USP35: variants seen among roughly 807,000 people sequenced by gnomAD.
USP35 encodes the protein ubiquitin specific peptidase 35.
USP35 carries 69 observed loss-of-function variants against 83.8 expected under a neutral mutation model. That is an observed-to-expected ratio of 0.82 (90% CI 0.68 to 1.01). The LOEUF (loss-of-function observed/expected upper bound fraction) is 1.01, where lower values mean the gene tolerates loss of function less well. Among genes scored for constraint, USP35 ranks in the 50% least tolerant of loss-of-function variants. The pLI, the probability that USP35 is intolerant of heterozygous loss-of-function variation, is 0.00. For synonymous variants in USP35, 714 were observed against 589.5 expected, an observed-to-expected ratio of 1.21 and a Z score of -3.06; for missense variants, 1,503 against 1,362.5, an observed-to-expected ratio of 1.10 and a Z score of -1.62.
chr11:78,222,167 G>T, the USP35 span: 1 of 1,613,964 alleles, frequency 6.2e-7, no homozygotes, highest in Non-Finnish European at 8.5e-7. Context: ...TGACGGTGTT[G>T]TTCCTCAGGT....
intron 1 of USP35, among the ~76,000 whole-genome samples, chr11:78,192,155 C>T (rs1023571111): frequency 6.6e-6 from 1 of 152,230 alleles, no homozygotes; most frequent in Non-Finnish European, 1.5e-5. Flanking sequence ...GGCAGGGGCT[C>T]ACCCAAGGTC....
intron 6 of USP35, among the ~76,000 whole-genome samples, chr11:78,203,213 G>T (rs74652887): frequency 2.6e-5 from 4 of 152,184 alleles, no homozygotes; most frequent in Admixed American, 2.6e-4. Context: ...GCCTTGAGAA[G>T]ATCCTGGAAA....
chr11:78,226,414 C>T, the USP35 span: 1 of 1,399,194 alleles, frequency 7.1e-7, no homozygotes, highest in Admixed American at 1.7e-5. Flanking sequence ...TATTGAGAAC[C>T]CCTGTGTTAC....
chr11:78,196,532 C>A lies in USP35; in HGVS notation c.287C>A (p.Pro96Gln), dbSNP rs780910061. Residue 96 changes from proline (P) to glutamine (Q), a missense_variant, in exon 2 of 11, where the codon CCG (proline) becomes CAG (glutamine). Transcript: ENST00000529308. The surrounding 1 kb of genome is among the most constrained non-coding windows in gnomAD (Gnocchi z 4.8). The stretch of plus-strand genomic sequence containing the variant: ...CTGCTGCAGGGTGGCGCCGGCCCCC[C>A]GGGCCCCCGCGCGCTCGCCTGCGTG... ...LRLLQGGAGP[P>Q]GPRALACVQL... 2 of 1,221,804 alleles carry A rather than the reference C, an allele frequency of 1.6e-6. No homozygotes were observed. Among genetic ancestry groups the A allele is most frequent in the African/African-American group, 1.6e-5 (1 of 61,072 alleles). The allele number at this position is 1,221,804 out of a possible 1,614,324, so 75.7% of individuals were successfully genotyped here.
At chr11:78,217,355 T>C (rs1466253113), downstream of USP35, 4 of 152,196 alleles carry the variant, frequency 2.6e-5, no homozygotes, top group Non-Finnish European at 4.4e-5. Context: ...TAAATACTCC[T>C]TGAGTTGATC....
Position 78,209,628 on chromosome 11 carries a change from GGCCTTCACGGACCTCTCTCTC to G in USP35, c.1780_1800del (p.Thr594_Phe600del). 1.2e-6 allele frequency: 2 copies of G among 1,614,132 alleles called. No homozygotes were observed. The highest frequency in any genetic ancestry group is 1.7e-6 in the Non-Finnish European group (2 of 1,180,010). On this transcript the variant is annotated inframe_deletion, in exon 10 of 11. Transcript: ENST00000529308. ...GCCTCAACGTCTCCTCCCGGGAGGA[GGCCTTCACGGACCTCTCTCTC>G]GCCTTCCCTCCTCCTGAGCGCTGTC...
At chr11:78,220,096 G>A (rs560842696), downstream of USP35, among the ~76,000 whole-genome samples, 1 of 152,324 alleles carries the variant, frequency 6.6e-6, no homozygotes, top group South Asian at 2.1e-4. Flanking sequence ...TGGGCTGACT[G>A]ATGAGGTTCT....
In USP35 at chr11:78,209,755, G is replaced by A; in HGVS notation, c.1900G>A (p.Gly634Arg). Residue 634 changes from glycine to arginine, a missense_variant, in exon 10 of 11, where the codon GGG (glycine) becomes AGG (arginine). By Grantham distance (125) the Gly-to-Arg change is moderately radical (BLOSUM62 -2). Transcript: ENST00000529308. Reference sequence around the variant, plus strand: ...GTTGCCCCCACCAACCAGTGCACAGGGGCCAGGCAGGGTGGGTCCTCGGAG... The same window carrying A: ...GTTGCCCCCACCAACCAGTGCACAGAGGCCAGGCAGGGTGGGTCCTCGGAG... ...RELPPPTSAQ[G>R]PGRVGPRRQR... is the part of the protein sequence containing the mutation. 6.2e-7 allele frequency: 1 copy of A among 1,614,044 alleles called. No homozygotes were observed. Among genetic ancestry groups the A allele is most frequent in the Non-Finnish European group, 8.5e-7 (1 of 1,179,970 alleles).
chr11:78,196,155 G>C lies in USP35; in HGVS notation c.-10-81G>C. On this transcript the variant is annotated intron_variant, in intron 1 of 10. Transcript: ENST00000529308. This position sits in a 1 kb window ranked among gnomAD's most constrained non-coding sequence, Gnocchi z 4.8. ...AGAAAGTTTGAGTTGCTTGCCCTAA[G>C]TCTCAGCACTCGGGGACTGCACCGG... is the stretch of plus-strand genomic sequence containing the variant. The C allele has an allele frequency of 1.4e-6, 2 of 1,468,216 alleles. No homozygotes were observed. Among genetic ancestry groups the C allele is most frequent in the South Asian group, 1.4e-5 (1 of 73,254 alleles). 90.9% of individuals were successfully genotyped at this position (1,468,216 alleles called of 1,614,324 possible).
rs1348995523 is a variant in USP35, at chr11:78,209,863, CAG to C, written c.2011_2012del (p.Ser671GlnfsTer57). ...EGLDSKEAGG[Q>X]SSQEERIERE... is the part of the protein sequence containing the mutation. ...CCTGGACTCCAAGGAAGCTGGTGGG[CAG>C]AGCAGTCAGGAGGAAAGGATAGAGA... On this transcript the variant is annotated frameshift_variant, in exon 10 of 11. Transcript: ENST00000529308. LOFTEE classifies it high-confidence loss of function. 1 of 1,610,040 alleles carries C rather than the reference CAG, an allele frequency of 6.2e-7. No individual in the cohort carries two copies. The highest frequency in any genetic ancestry group is 2.2e-5 in the East Asian group (1 of 44,658).
At chr11:78,199,520 A>G (rs1565396234) in intron 3 of USP35, 75 bp from the exon 4 acceptor site, 2 of 1,594,982 alleles carry the variant, frequency 1.3e-6, no homozygotes, top group Non-Finnish European at 1.7e-6. Context: ...GACATTACGG[A>G]TAGCCCCTGG....
rs561787674 is a variant in USP35, at chr11:78,193,189, A to T, written c.-10-3047A>T. On this transcript the variant is annotated intron_variant, in intron 1 of 10. Coordinates refer to ENST00000529308, the MANE Select transcript of USP35 (RefSeq NM_020798.4). ...CAGGGCTGAAGGGAGAGTTAAAAAA[A>T]TTTTTTTTCTTTTTTCTTTTTTGAA... Among the ~76,000 whole-genome samples, 283 of 151,802 alleles carry T rather than the reference A, an allele frequency of 1.9e-3. 1 individual carries two copies. The highest frequency in any genetic ancestry group is 3.8e-3 in the African/African-American group (159 of 41,372).
downstream of USP35, chr11:78,215,640 A>G (rs879321538): frequency 1.3e-5 from 2 of 152,316 alleles, no homozygotes; most frequent in Non-Finnish European, 2.9e-5. Flanking sequence ...TCAAGACACA[A>G]GTAGCCAACA....
At chr11:78,222,045 ATCAC>A in the USP35 span, 1 of 1,067,152 alleles carries the variant, frequency 9.4e-7, no homozygotes, top group African/African-American at 1.6e-5. Flanking sequence ...CAGCTACCAC[ATCAC>A]TCATTTTCCC....
chr11:78,217,749 G>C (rs1479074579), downstream of USP35: 1 of 152,244 alleles, frequency 6.6e-6, no homozygotes, highest in Non-Finnish European at 1.5e-5. Context: ...CTGGGGAGGA[G>C]AGTCCAAGAT....
At chr11:78,199,324 T>C in intron 3 of USP35, 1 of 416,632 alleles carries the variant, frequency 2.4e-6, no homozygotes, top group Non-Finnish European at 4.4e-6. Context: ...TGTTCTGGCA[T>C]TGCAGCCCAG....
intron 7 of USP35, 59 bp from the exon 8 acceptor site, chr11:78,207,471 G>T (rs1863565405): frequency 6.4e-7 from 1 of 1,557,430 alleles, no homozygotes; most frequent in South Asian, 1.1e-5. Context: ...TGACATGGGT[G>T]ACTAGAGACT....
the USP35 span, chr11:78,225,113 AAG>A: frequency 6.2e-7 from 1 of 1,609,656 alleles, no homozygotes; most frequent in Non-Finnish European, 8.5e-7. Flanking sequence ...CTCACCAGGA[AAG>A]AGCCAACTCC....
At chr11:78,207,960 T>G (rs566304416) in intron 8 of USP35, among the ~76,000 whole-genome samples, 1 of 152,312 alleles carries the variant, frequency 6.6e-6, no homozygotes, top group South Asian at 2.1e-4. Context: ...TATTTCTCAG[T>G]TTTGGAAGCT....
Sources: allele counts gnomAD v4.1 joint callset (sites outside exome capture counted in the v4.1 genomes callset), GRCh38; gene constraint gnomAD v4.1.1; non-coding constraint Gnocchi (gnomAD v3.1); transcripts MANE v1.5; gene names NCBI Gene and HGNC (gene_info 2026-07-23, HGNC 2026-07-21).